RP1: variants seen among roughly 807,000 people sequenced by gnomAD.
The protein encoded by RP1 is RP1 axonemal microtubule associated, also known as oxygen-regulated protein 1.
A neutral mutation model predicts 14.8 loss-of-function variants in RP1; 16 were observed. The observed-to-expected ratio is 1.08, with a 90% CI of 0.73 to 1.65. The LOEUF is 1.65. RP1 is among the 40% of genes most tolerant of loss of function. The probability of loss-of-function intolerance (pLI) is 0.00; values close to 1 mark genes in which losing one functional copy is unlikely to be tolerated. For missense variants in RP1, 2,631 were observed against 2,535.0 expected (o/e 1.04, Z -0.81); for synonymous variants, 876 against 883.6 (o/e 0.99, Z 0.15).
At chr8:54,669,322 A>G (rs768623197) in intron 7 of RP1, among the ~76,000 whole-genome samples, 2 of 152,228 alleles carry the variant, frequency 1.3e-5, no homozygotes, top group African/African-American at 2.4e-5. Context: ...TAAAACCACA[A>G]TGAGATACCA....
chr8:54,704,065 T>C (rs1169358824), intron 14 of RP1, among the ~76,000 whole-genome samples: 1 of 152,202 alleles, frequency 6.6e-6, no homozygotes, highest in East Asian at 1.9e-4. Flanking sequence ...AAGTTTCTTA[T>C]TATTCATGTG....
At chr8:54,608,773 CTTG>C (rs1385910293) in intron 1 of RP1, among the ~76,000 whole-genome samples, 1 of 152,154 alleles carries the variant, frequency 6.6e-6, no homozygotes, top group Non-Finnish European at 1.5e-5. Flanking sequence ...CAAATCTTTG[CTTG>C]TTCTCTCTTC....
chr8:54,731,347 T>C (rs1374838792), intron 17 of RP1, among the ~76,000 whole-genome samples: 1 of 152,146 alleles, frequency 6.6e-6, no homozygotes, highest in Non-Finnish European at 1.5e-5. Flanking sequence ...ACAGATTTTA[T>C]TCAGGGTGAC....
chr8:54,696,476 G>C, intron 12 of RP1: 1 of 899,494 alleles, frequency 1.1e-6, no homozygotes, highest in Non-Finnish European at 1.8e-6. Flanking sequence ...TCAAGCCCTC[G>C]AAGCCACCCA....
intron 24 of RP1, among the ~76,000 whole-genome samples, chr8:54,827,603 T>C (rs1345775211): frequency 2.0e-5 from 3 of 152,236 alleles, no homozygotes; most frequent in Non-Finnish European, 4.4e-5. Flanking sequence ...GTGCTGGGAT[T>C]ACAGGCGTGA....
intron 24 of RP1, among the ~76,000 whole-genome samples, chr8:54,813,361 G>A (rs1313494396): frequency 6.6e-6 from 1 of 152,196 alleles, no homozygotes; most frequent in South Asian, 2.1e-4. Flanking sequence ...ACCCAGGGAT[G>A]CACCTCCTCA....
intron 1 of RP1, among the ~76,000 whole-genome samples, chr8:54,609,499 A>G (rs1485840322): frequency 6.6e-6 from 1 of 152,118 alleles, no homozygotes; most frequent in Non-Finnish European, 1.5e-5. Flanking sequence ...CACAACAACA[A>G]AAAAAGAGAA....
chr8:54,650,392 T>C (rs1242323910), intron 4 of RP1, among the ~76,000 whole-genome samples: 1 of 152,182 alleles, frequency 6.6e-6, no homozygotes, highest in Non-Finnish European at 1.5e-5. Flanking sequence ...CCTTTTTCCC[T>C]GTACTTTCTT....
chr8:54,820,814 G>A (rs935543748), intron 24 of RP1, among the ~76,000 whole-genome samples: 2 of 152,122 alleles, frequency 1.3e-5, no homozygotes, highest in Non-Finnish European at 2.9e-5. Flanking sequence ...GTTCCTGAGA[G>A]GGGAGGATCG....
chr8:54,681,637 T>C (rs1807434850), intron 12 of RP1, among the ~76,000 whole-genome samples: 1 of 151,886 alleles, frequency 6.6e-6, no homozygotes, highest in Non-Finnish European at 1.5e-5. Context: ...ACCCTTCACC[T>C]AGGCATTAAG....
At chr8:54,603,187 C>T (rs1353412853) in intron 1 of RP1, among the ~76,000 whole-genome samples, 2 of 151,910 alleles carry the variant, frequency 1.3e-5, no homozygotes, top group African/African-American at 2.4e-5. Context: ...CATTTAAGTC[C>T]TTAATCCATC....
chr8:54,841,554 C>T (rs1349706320), intron 25 of RP1, among the ~76,000 whole-genome samples: 1 of 152,162 alleles, frequency 6.6e-6, no homozygotes, highest in Non-Finnish European at 1.5e-5. Flanking sequence ...TATAAGTCAT[C>T]ATTCTTTGGG....
chr8:54,577,638 C>A (rs1804691013), intron 1 of RP1, among the ~76,000 whole-genome samples: 1 of 152,148 alleles, frequency 6.6e-6, no homozygotes, highest in Non-Finnish European at 1.5e-5. Flanking sequence ...TGATTTCTTA[C>A]TAGATACTAT....
intron 25 of RP1, among the ~76,000 whole-genome samples, chr8:54,842,457 G>A (rs1811809973): frequency 6.6e-6 from 1 of 152,174 alleles, no homozygotes; most frequent in African/African-American, 2.4e-5. Flanking sequence ...GGCAAACCAA[G>A]GCCATGGGAC....
At chr8:54,781,142 T>C (rs1033881047) in intron 23 of RP1, 1 of 523,356 alleles carries the variant, frequency 1.9e-6, no homozygotes, top group African/African-American at 2.1e-5. Flanking sequence ...ATTGCTATAG[T>C]ATCTCCCCCA....
intron 23 of RP1, among the ~76,000 whole-genome samples, chr8:54,782,972 C>A (rs1050419365): frequency 6.6e-6 from 1 of 152,034 alleles, no homozygotes; most frequent in Non-Finnish European, 1.5e-5. Flanking sequence ...TTTGCCAAGA[C>A]CTATTTATGC....
At chr8:54,680,180 G>A (rs1807394518) in intron 12 of RP1, among the ~76,000 whole-genome samples, 2 of 152,068 alleles carry the variant, frequency 1.3e-5, no homozygotes, top group South Asian at 2.1e-4. Flanking sequence ...AATGTAGGCA[G>A]TTATCAAAAC....
chr8:54,605,243 T>G (rs913069359), intron 1 of RP1, among the ~76,000 whole-genome samples: 1 of 152,228 alleles, frequency 6.6e-6, no homozygotes, highest in African/African-American at 2.4e-5. Flanking sequence ...GTTGTGTCTT[T>G]GTTCTCATTG....
intron 1 of RP1, among the ~76,000 whole-genome samples, chr8:54,587,012 T>C (rs1804944793): frequency 6.6e-6 from 1 of 152,218 alleles, no homozygotes; most frequent in Non-Finnish European, 1.5e-5. Flanking sequence ...CTGCACCTAC[T>C]GTCTGACACT....
Sources: gnomAD v4.1 joint callset for allele counts (sites outside exome capture counted in the v4.1 genomes callset) on GRCh38, gnomAD v4.1.1 for gene constraint, MANE v1.5 for transcripts, NCBI Gene and HGNC (gene_info 2026-07-23, HGNC 2026-07-21) for gene names.